The following PRDM16 variants were observed in gnomAD, a reference collection of about 807,000 sequenced individuals.
PRDM16 encodes histone-lysine N-methyltransferase PRDM16.
PRDM16 carries 23 observed loss-of-function variants against 110.6 expected under a neutral mutation model. The ratio of observed to expected loss-of-function variants is 0.21; its 90% CI spans 0.15 to 0.29. The LOEUF is 0.29. Among genes scored for constraint, PRDM16 ranks in the 10% least tolerant of loss-of-function variants. The pLI, the probability that PRDM16 is intolerant of heterozygous loss-of-function variation, is 1.00. For missense variants in PRDM16, 1,615 were observed against 1,794.3 expected (o/e 0.90, Z 1.81); for synonymous variants, 799 against 781.8 (o/e 1.02, Z -0.37).
intron 2 of PRDM16, among the ~76,000 whole-genome samples, chr1:3,234,949 G>A (rs1020905078): frequency 6.6e-6 from 1 of 152,240 alleles, no homozygotes. Context: ...CCAGGCTGCA[G>A]GGCTCTGATG....
intron 3 of PRDM16, among the ~76,000 whole-genome samples, chr1:3,338,229 C>T (rs560387537): frequency 1.2e-4 from 18 of 152,398 alleles, no homozygotes; most frequent in Admixed American, 3.3e-4. Flanking sequence ...AGGGGGCATA[C>T]TGGGCCCCAA....
intron 1 of PRDM16, among the ~76,000 whole-genome samples, chr1:3,136,490 TAC>T (rs1170130152): frequency 6.6e-6 from 1 of 152,114 alleles, no homozygotes; most frequent in Non-Finnish European, 1.5e-5. Flanking sequence ...TTCCCTGAAT[TAC>T]AGAGCGGGGA....
rs1237027666 is a variant in PRDM16, at chr1:3,102,805, A to G, written c.37+33509A>G. On this transcript the variant is annotated intron_variant, in intron 1 of 16. Transcript: ENST00000270722. ...AAGGGACTCTGGAAGGGCTGGGACC[A>G]TCTGCTTCCTACCCCATATGTGGCT... 3.3e-5 allele frequency among the ~76,000 whole-genome samples: 5 copies of G among 152,330 alleles called. No individual in the cohort carries two copies. The East Asian group carries it at 7.7e-4, about 24-fold the overall frequency.
intron 3 of PRDM16, among the ~76,000 whole-genome samples, chr1:3,363,884 A>G (rs1318070329): frequency 6.6e-6 from 1 of 152,176 alleles, no homozygotes; most frequent in Non-Finnish European, 1.5e-5. Context: ...ACCTCCAGCT[A>G]AAGCAGCCCG....
chr1:3,194,620 A>ACACGCCACCGTCTCCCCG (rs1638410636), intron 2 of PRDM16, among the ~76,000 whole-genome samples: 1 of 118,040 alleles, frequency 8.5e-6, no homozygotes, highest in Non-Finnish European at 1.7e-5. Context: ...CCGTCTCCCC[A>ACACGCCACCGTCTCCCCG]CCACACGCCA....
rs528452420 is a variant in PRDM16 at position 3,414,952 on chromosome 1, G to A, written c.2691+305G>A. 3.9e-5 allele frequency among the ~76,000 whole-genome samples: 6 copies of A among 152,322 alleles called. No homozygotes were observed. The South Asian group carries it at 1.0e-3, about 26-fold the overall frequency. ...AGTCGTGGGCAGAGCCTGAAGGAGC[G>A]AGGGCAGGGATTGTGAGTGAGGGGA... On this transcript the variant is annotated intron_variant, in intron 10 of 16. Transcript: ENST00000270722.
At chr1:3,324,920 C>T (rs543266188) in intron 3 of PRDM16, among the ~76,000 whole-genome samples, 5 of 152,258 alleles carry the variant, frequency 3.3e-5, no homozygotes, top group African/African-American at 1.2e-4. Context: ...CCAGCGGACG[C>T]CCCTGGTGGT....
rs11805974 is a variant in PRDM16 at position 3,425,800 on chromosome 1, C to T, written c.3109+50C>T. 0.043 allele frequency: 69,281 copies of T among 1,603,102 alleles called. 2,058 individuals carry two copies. Among genetic ancestry groups the T allele is most frequent in the African/African-American group, 0.15 (10,941 of 74,806 alleles). Reference sequence around the variant, plus strand: ...CCCCAGAGCACCCACACGGGCAGGCCCCACAGAGGGGGAGGGGGAACAGCA... The same window carrying T: ...CCCCAGAGCACCCACACGGGCAGGCTCCACAGAGGGGGAGGGGGAACAGCA... On this transcript the variant is annotated intron_variant, in intron 13 of 16. Transcript: ENST00000270722. The surrounding 1 kb of genome is among the most constrained non-coding windows in gnomAD (Gnocchi z 6.9).
Position 3,370,563 on chromosome 1 carries a change from G to T in PRDM16, c.439-14589G>T, listed in dbSNP as rs189919795. Among the ~76,000 whole-genome samples the T allele has an allele frequency of 6.6e-6, 1 of 152,174 alleles. No homozygotes were observed. The highest frequency in any genetic ancestry group is 1.5e-5 in the Non-Finnish European group (1 of 68,030). On this transcript the variant is annotated intron_variant, in intron 3 of 16. Transcript: ENST00000270722. The surrounding 1 kb of genome is among the most constrained non-coding windows in gnomAD (Gnocchi z 4.8). ...CAGAGGAGAGGAAGTGACCTGCGAC[G>T]TGATAGCCATGGCCCAGTGCAGTGT... is the stretch of plus-strand genomic sequence containing the variant.
At chr1:3,336,506 G>A (rs184884648) in intron 3 of PRDM16, among the ~76,000 whole-genome samples, 132 of 152,108 alleles carry the variant, frequency 8.7e-4, no homozygotes, top group Middle Eastern at 3.4e-3. Flanking sequence ...GAGACTGAGC[G>A]TATTCATGCA....
At chr1:3,268,006 A>G (rs1193966459) in intron 3 of PRDM16, among the ~76,000 whole-genome samples, 1 of 152,172 alleles carries the variant, frequency 6.6e-6, no homozygotes, top group East Asian at 1.9e-4. Context: ...CGCGGGTGCA[A>G]AACAGCCAAC....
At position 3,382,341 on chromosome 1, in the gene PRDM16, C is replaced by T. The variant is rs896745054; in HGVS notation, c.439-2811C>T. Among the ~76,000 whole-genome samples the T allele has an allele frequency of 1.6e-4, 25 of 152,160 alleles. No homozygotes were observed. Among genetic ancestry groups the T allele is most frequent in the Admixed American group, 1.4e-3 (22 of 15,290 alleles). ...TCTGTGGTTCTTGGATTGGGCTGGCCCTGGACTTGGGCAGGGCAGGCAGTG... is the reference window on the plus strand; with the variant it reads ...TCTGTGGTTCTTGGATTGGGCTGGCTCTGGACTTGGGCAGGGCAGGCAGTG... On this transcript the variant is annotated intron_variant, in intron 3 of 16. Coordinates refer to ENST00000270722, the MANE Select transcript of PRDM16 (RefSeq NM_022114.4). This position sits in a 1 kb window ranked among gnomAD's most constrained non-coding sequence, Gnocchi z 6.6.
rs1465558434 is a variant in PRDM16, at chr1:3,175,990, G to GCCAT, written c.38-10132_38-10131insTCCA. Among the ~76,000 whole-genome samples, 1 of 103,868 alleles carries GCCAT rather than the reference G, an allele frequency of 9.6e-6. No individual in the cohort carries two copies. The highest frequency in any genetic ancestry group is 2.0e-5 in the Non-Finnish European group (1 of 49,106). 68.1% of individuals were successfully genotyped at this position (103,868 alleles called of 152,430 possible). A position where few individuals can be genotyped will look rare whatever the true frequency, so the allele number is the denominator to read the frequency against. On this transcript the variant is annotated intron_variant, in intron 1 of 16. Coordinates refer to ENST00000270722, the MANE Select transcript of PRDM16 (RefSeq NM_022114.4). This position sits in a 1 kb window ranked among gnomAD's most constrained non-coding sequence, Gnocchi z 4.8. ...ACTCACCCATCCATCCATGCAGCCA[G>GCCAT]CCAGCCAGCCAGCCAGCCAGCCATC...
intron 2 of PRDM16, among the ~76,000 whole-genome samples, chr1:3,210,038 CTACTATTAACATCT>C (rs1638845027): frequency 6.6e-6 from 1 of 152,230 alleles, no homozygotes; most frequent in South Asian, 2.1e-4. Flanking sequence ...AAATCAGTGA[CTACTATTAACATCT>C]TACTATTAAC....
rs192033688 is a variant in PRDM16, at chr1:3,282,930, C to T, written c.438+38793C>T. On this transcript the variant is annotated intron_variant, in intron 3 of 16. Coordinates refer to ENST00000270722, the MANE Select transcript of PRDM16 (RefSeq NM_022114.4). ...AGTGAGAGGCGTGGTAGTATTAGGG[C>T]GGTTAGAGGAGGGGCGTCTCCCTTC... Among the ~76,000 whole-genome samples, 666 of 152,312 alleles carry T rather than the reference C, an allele frequency of 4.4e-3. 9 individuals are homozygous for T. The highest frequency in any genetic ancestry group is 0.015 in the African/African-American group (621 of 41,578).
In PRDM16 at chr1:3,434,324, C is replaced by A; in HGVS notation, c.*513C>A. 4.3e-6 allele frequency: 1 copy of A among 232,508 alleles called. No homozygotes were observed. Among genetic ancestry groups the A allele is most frequent in the Non-Finnish European group, 8.5e-6 (1 of 117,718 alleles). The allele number at this position is 232,508 out of a possible 1,614,324, so 14.4% of individuals were successfully genotyped here. On this transcript the variant is annotated 3_prime_UTR_variant, in exon 17 of 17. Coordinates refer to ENST00000270722, the MANE Select transcript of PRDM16 (RefSeq NM_022114.4). ...AAAATAGACAGTATTTTTTAAAAAT[C>A]AAAAAATGACTTGCAAATTGTTTTT...
Position 3,437,294 on chromosome 1 carries a change from G to A in PRDM16, c.*3483G>A, listed in dbSNP as rs530033157. ...GAGTCCAGCCCTGGAAATTCCAAGG[G>A]CCCTGGCGTCCTCTGCCTTCCCCGC... On this transcript the variant is annotated 3_prime_UTR_variant, in exon 17 of 17. Coordinates refer to ENST00000270722, the MANE Select transcript of PRDM16 (RefSeq NM_022114.4). 144 of 232,930 alleles carry A rather than the reference G, an allele frequency of 6.2e-4. No homozygotes were observed. The highest frequency in any genetic ancestry group is 3.0e-3 in the African/African-American group (135 of 45,444). The allele number at this position is 232,930 out of a possible 1,614,324, so 14.4% of individuals were successfully genotyped here. A position where few individuals can be genotyped will look rare whatever the true frequency, so the allele number is the denominator to read the frequency against.
chr1:3,284,169 T>TG (rs1557580855), intron 3 of PRDM16, among the ~76,000 whole-genome samples: 1 of 152,174 alleles, frequency 6.6e-6, no homozygotes, highest in Non-Finnish European at 1.5e-5. Flanking sequence ...ATCGCCTGCC[T>TG]GGGGGACATC....
Position 3,265,204 on chromosome 1 carries a change from G to A in PRDM16, c.438+21067G>A, listed in dbSNP as rs1640259096. 6.6e-6 allele frequency among the ~76,000 whole-genome samples: 1 copy of A among 152,158 alleles called. No individual in the cohort carries two copies. Among genetic ancestry groups the A allele is most frequent in the Admixed American group, 6.5e-5 (1 of 15,290 alleles). On this transcript the variant is annotated intron_variant, in intron 3 of 16. Transcript: ENST00000270722. This position sits in a 1 kb window ranked among gnomAD's most constrained non-coding sequence, Gnocchi z 4.5. ...GTGGACAGGGATGAGACAGGAGCAGGGCTCTGGGTCCGGAGAAATTGCAAC... is the reference window on the plus strand; with the variant it reads ...GTGGACAGGGATGAGACAGGAGCAGAGCTCTGGGTCCGGAGAAATTGCAAC...
Sources: gnomAD v4.1 joint callset for allele counts (sites outside exome capture counted in the v4.1 genomes callset) on GRCh38, gnomAD v4.1.1 for gene constraint, Gnocchi (gnomAD v3.1) non-coding constraint, MANE v1.5 for transcripts, NCBI Gene and HGNC (gene_info 2026-07-23, HGNC 2026-07-21) for gene names.